Variants in AMOTL1 observed in about 807,000 individuals in gnomAD.
AMOTL1 encodes the protein angiomotin-like protein 1.
Under a neutral mutation model 102.9 loss-of-function variants are expected in AMOTL1, and 45 were observed. The ratio of observed to expected loss-of-function variants is 0.44; its 90% CI spans 0.34 to 0.56. AMOTL1 has a LOEUF of 0.56. Ranked by LOEUF, AMOTL1 falls within the 20% of genes least tolerant of loss-of-function variation. AMOTL1 has a pLI of 0.01. For missense variants in AMOTL1, 1,114 were observed against 1,225.6 expected, an observed-to-expected ratio of 0.91 and a Z score of 1.36; for synonymous variants, 481 against 484.7, an observed-to-expected ratio of 0.99 and a Z score of 0.10.
At chr11:94,741,785 T>TAG (rs1004315544) in intron 3 of AMOTL1, among the ~76,000 whole-genome samples, 11 of 152,284 alleles carry the variant, frequency 7.2e-5, no homozygotes, top group African/African-American at 2.6e-4. Context: ...AGTCTCTCCT[T>TAG]ACTGTTCTTT....
chr11:94,786,399 C>T (rs894836938), intron 1 of AMOTL1, among the ~76,000 whole-genome samples: 4 of 152,244 alleles, frequency 2.6e-5, no homozygotes, highest in South Asian at 2.1e-4. Context: ...GGACTCCTGC[C>T]TCTGCCCCGG....
chr11:94,723,841 A>T (rs1001705006), intron 1 of AMOTL1, among the ~76,000 whole-genome samples: 4 of 152,106 alleles, frequency 2.6e-5, no homozygotes, highest in Non-Finnish European at 5.9e-5. Context: ...GTGCCACTGA[A>T]ATTTTATCAC....
chr11:94,865,545 T>C (rs1014077499), intron 10 of AMOTL1, among the ~76,000 whole-genome samples: 15 of 152,132 alleles, frequency 9.9e-5, no homozygotes, highest in African/African-American at 3.6e-4. Context: ...TCTTAGAAAA[T>C]AGAGAAATTG....
intron 1 of AMOTL1, among the ~76,000 whole-genome samples, chr11:94,728,645 A>T (rs1299856131): frequency 2.6e-5 from 4 of 152,182 alleles, no homozygotes; most frequent in African/African-American, 9.7e-5. Flanking sequence ...AGGAGTCTAT[A>T]AACTATGCAC....
At chr11:94,727,466 C>T (rs887371878) in intron 1 of AMOTL1, among the ~76,000 whole-genome samples, 1 of 152,182 alleles carries the variant, frequency 6.6e-6, no homozygotes, top group African/African-American at 2.4e-5. Flanking sequence ...TCAGCCACCT[C>T]TTGTGTGCTG....
chr11:94,800,447 T>G, intron 3 of AMOTL1, 136 bp downstream of exon 3: 1 of 993,398 alleles, frequency 1.0e-6, no homozygotes. Flanking sequence ...AATAAACCAC[T>G]TTGTGGCCAG....
At chr11:94,713,661 T>C (rs1950052375) in intron 1 of AMOTL1, among the ~76,000 whole-genome samples, 1 of 152,002 alleles carries the variant, frequency 6.6e-6, no homozygotes, top group Non-Finnish European at 1.5e-5. Flanking sequence ...TGCATTGTTA[T>C]ACTTCAGTTT....
rs3031880 is a variant in AMOTL1 at position 94,784,968 on chromosome 11, CA to C, written c.50-10030del. ...GCAACACAGCCATGAAAATAATGTG[CA>C]AAAAAAAAAAAAGAAAAGAAAAGAA... On this transcript the variant is annotated intron_variant, in intron 1 of 12. Transcript: ENST00000433060. 2.5e-3 allele frequency among the ~76,000 whole-genome samples: 360 copies of C among 146,710 alleles called. 4 individuals carry two copies. The South Asian group carries it at 0.034, about 14-fold the overall frequency.
At chr11:94,763,791 G>T (rs963092961), upstream of AMOTL1, among the ~76,000 whole-genome samples, 1 of 152,130 alleles carries the variant, frequency 6.6e-6, no homozygotes, top group Non-Finnish European at 1.5e-5. Flanking sequence ...GGGGTGGGTT[G>T]GGCTTGCTGG....
At chr11:94,756,690 T>C (rs557590521) in intron 3 of AMOTL1, among the ~76,000 whole-genome samples, 1 of 152,324 alleles carries the variant, frequency 6.6e-6, no homozygotes, top group East Asian at 1.9e-4. Context: ...TATTTGAAGG[T>C]TGTCATTATT....
At chr11:94,789,170 A>T (rs1007378956) in intron 1 of AMOTL1, among the ~76,000 whole-genome samples, 13 of 151,774 alleles carry the variant, frequency 8.6e-5, no homozygotes, top group Non-Finnish European at 1.5e-4. Flanking sequence ...CTGTATTTTT[A>T]TTTTTTGAGA....
At position 94,874,502 on chromosome 11, in the gene AMOTL1, G is replaced by A. The variant is rs1305691012; in HGVS notation, c.*3707G>A. The A allele has an allele frequency of 2.0e-5, 3 of 152,232 alleles. No individual in the cohort carries two copies. The highest frequency in any genetic ancestry group is 1.3e-4 in the Admixed American group (2 of 15,286). The allele number at this position is 152,232 out of a possible 1,614,324, so 9.4% of individuals were successfully genotyped here. The stretch of plus-strand genomic sequence containing the variant: ...CTCATGTATGAGTTTGACTCCACAA[G>A]GCTTGGCATGGATACCAAAACAGTT... On this transcript the variant is annotated 3_prime_UTR_variant, in exon 13 of 13. Coordinates refer to ENST00000433060, the MANE Select transcript of AMOTL1 (RefSeq NM_130847.3).
chr11:94,792,549 G>A (rs921133075), intron 1 of AMOTL1, among the ~76,000 whole-genome samples: 2 of 152,228 alleles, frequency 1.3e-5, no homozygotes, highest in Non-Finnish European at 2.9e-5. Context: ...GGCTTTAGAC[G>A]AGTGGATGGT....
chr11:94,872,077 A>G lies in AMOTL1; in HGVS notation c.*1282A>G, dbSNP rs968510593. On this transcript the variant is annotated 3_prime_UTR_variant, in exon 13 of 13. Transcript: ENST00000433060. ...TTTTGTAACCTACCAGGCCAGTTGTATATACAGTGTTGTCAGGTTTTTCCG... is the reference window on the plus strand; with the variant it reads ...TTTTGTAACCTACCAGGCCAGTTGTGTATACAGTGTTGTCAGGTTTTTCCG... 13 of 152,076 alleles carry G rather than the reference A, an allele frequency of 8.5e-5. 1 individual carries two copies. The highest frequency in any genetic ancestry group is 3.1e-4 in the African/African-American group (13 of 41,378). 9.4% of individuals were successfully genotyped at this position (152,076 alleles called of 1,614,324 possible).
At chr11:94,749,670 A>C (rs1431149092) in intron 3 of AMOTL1, among the ~76,000 whole-genome samples, 1 of 152,190 alleles carries the variant, frequency 6.6e-6, no homozygotes, top group Non-Finnish European at 1.5e-5. Context: ...CCTTTTGCAC[A>C]TACCATCTAT....
chr11:94,771,269 G>A (rs915687482), intron 1 of AMOTL1, among the ~76,000 whole-genome samples: 3 of 134,530 alleles, frequency 2.2e-5, no homozygotes, highest in Non-Finnish European at 4.9e-5. Flanking sequence ...TGGGGGGGGG[G>A]TGCGGTGTGT....
intron 9 of AMOTL1, among the ~76,000 whole-genome samples, chr11:94,864,514 T>G (rs1344575936): frequency 1.3e-5 from 2 of 152,160 alleles, no homozygotes; most frequent in Non-Finnish European, 1.5e-5. Context: ...CACCCTGTGA[T>G]CACCTCTCCA....
Position 94,751,778 on chromosome 11 carries a change from GCACACA to G in AMOTL1, c.136+10808_136+10813del, listed in dbSNP as rs71036341. Among the ~76,000 whole-genome samples, 617 of 146,738 alleles carry G rather than the reference GCACACA, an allele frequency of 4.2e-3. 13 individuals are homozygous for G. Among genetic ancestry groups the G allele is most frequent in the South Asian group, 0.036 (169 of 4,670 alleles). On this transcript the variant is annotated intron_variant, in intron 3 of 4. Coordinates refer to the AMOTL1 transcript ENST00000299004. ...ATATATGCTCACATGCATTCACACAGCACACACACACACACACACACACGTGCACAC... is the reference window on the plus strand; with the variant it reads ...ATATATGCTCACATGCATTCACACAGCACACACACACACACACGTGCACAC...
At chr11:94,745,985 G>T (rs944855163) in intron 3 of AMOTL1, among the ~76,000 whole-genome samples, 1 of 152,128 alleles carries the variant, frequency 6.6e-6, no homozygotes, top group African/African-American at 2.4e-5. Context: ...CTGAGGTTTT[G>T]GTGATAGTTC....
Sources: gnomAD v4.1 joint callset for allele counts (sites outside exome capture counted in the v4.1 genomes callset) on GRCh38, gnomAD v4.1.1 for gene constraint, MANE v1.5 for transcripts, NCBI Gene and HGNC (gene_info 2026-07-23, HGNC 2026-07-21) for gene names.